ABCC9: variants seen among roughly 807,000 people sequenced by gnomAD.
The protein encoded by ABCC9 is ATP-binding cassette sub-family C member 9.
ABCC9 carries 95 observed loss-of-function variants against 188.3 expected under a neutral mutation model. The observed-to-expected ratio is 0.50, with a 90% CI of 0.43 to 0.60. The LOEUF (loss-of-function observed/expected upper bound fraction) is 0.60, where lower values mean the gene tolerates loss of function less well. ABCC9 is among the 20% of genes least tolerant of loss of function. The pLI is 0.00. For synonymous variants in ABCC9, 659 were observed against 652.7 expected (o/e 1.01, Z -0.15); for missense variants, 1,102 against 1,876.3 (o/e 0.59, Z 7.62).
At chr12:21,924,328 A>C (rs886165376) in intron 5 of ABCC9, 1 of 152,356 alleles carries the variant, frequency 6.6e-6, no homozygotes, top group African/African-American at 2.4e-5. Flanking sequence ...TAGAAGGATG[A>C]AAAGATGTAG....
At position 21,907,998 on chromosome 12, in the gene ABCC9, A is replaced by G. The variant is rs1042998093; in HGVS notation, c.1455+79T>C. 23 of 1,399,200 alleles carry G rather than the reference A, an allele frequency of 1.6e-5. No individual in the cohort carries two copies. In the African/African-American group the frequency reaches 3.3e-4, roughly 20 times the overall value. The allele number at this position is 1,399,200 out of a possible 1,614,324, so 86.7% of individuals were successfully genotyped here. ...TTGTTTCCAAATTATCTTTAGTGGTATGTATTAATTTCCTATATTATAAAA... is the reference window on the plus strand; with the variant it reads ...TTGTTTCCAAATTATCTTTAGTGGTGTGTATTAATTTCCTATATTATAAAA... On this transcript the variant is annotated intron_variant, in intron 11 of 39. Transcript: ENST00000261200.
At chr12:21,819,987 T>A (rs1188572140) in intron 31 of ABCC9, among the ~76,000 whole-genome samples, 1 of 152,184 alleles carries the variant, frequency 6.6e-6, no homozygotes, top group Non-Finnish European at 1.5e-5. Context: ...ATTAACTACA[T>A]GGATGCAGAG....
intron 14 of ABCC9, among the ~76,000 whole-genome samples, chr12:21,889,882 C>T (rs1268175015): frequency 6.6e-6 from 1 of 152,114 alleles, no homozygotes; most frequent in Non-Finnish European, 1.5e-5. Flanking sequence ...CCTCTTACTT[C>T]CCTTCCCCTC....
intron 4 of ABCC9, among the ~76,000 whole-genome samples, chr12:21,926,575 A>G (rs1949054462): frequency 6.6e-6 from 1 of 152,244 alleles, no homozygotes; most frequent in Admixed American, 6.5e-5. Flanking sequence ...AAAATCTAGT[A>G]TATTGAGGAT....
intron 29 of ABCC9, among the ~76,000 whole-genome samples, chr12:21,840,611 T>C (rs536326585): frequency 6.6e-6 from 1 of 152,282 alleles, no homozygotes; most frequent in East Asian, 1.9e-4. Context: ...AAGGACAGAT[T>C]TGGAAACCAT....
At chr12:21,927,280 A>T (rs1194613387) in intron 4 of ABCC9, among the ~76,000 whole-genome samples, 1 of 152,228 alleles carries the variant, frequency 6.6e-6, no homozygotes, top group East Asian at 1.9e-4. Context: ...ACACTTGAAT[A>T]GGTAAGCGGT....
At chr12:21,877,175 C>T (rs1946400719) in intron 16 of ABCC9, among the ~76,000 whole-genome samples, 1 of 152,078 alleles carries the variant, frequency 6.6e-6, no homozygotes, top group Non-Finnish European at 1.5e-5. Context: ...AGCTTGCAAT[C>T]AGTTGAGTAA....
chr12:21,852,642 A>G, intron 22 of ABCC9, 137 bp from the exon 23 acceptor site: 2 of 1,036,676 alleles, frequency 1.9e-6, no homozygotes, highest in Non-Finnish European at 2.8e-6. Flanking sequence ...AAGGATAAAG[A>G]AAAACTACCT....
At chr12:21,840,670 A>T (rs2137357680) in intron 29 of ABCC9, among the ~76,000 whole-genome samples, 1 of 152,338 alleles carries the variant, frequency 6.6e-6, no homozygotes, top group Admixed American at 6.5e-5. Flanking sequence ...CAGCAAGTAG[A>T]CCAGCAATAG....
At chr12:21,835,565 A>T (rs1441050975) in intron 30 of ABCC9, among the ~76,000 whole-genome samples, 6 of 152,208 alleles carry the variant, frequency 3.9e-5, no homozygotes, top group Non-Finnish European at 5.9e-5. Flanking sequence ...CAAGTCATAT[A>T]ACCTATCTTC....
At chr12:21,940,864 GA>G (rs1172985068) in intron 1 of ABCC9, 39 bp from the exon 2 acceptor site, 11 of 152,128 alleles carry the variant, frequency 7.2e-5, no homozygotes, top group African/African-American at 2.4e-4. Flanking sequence ...TAAGCAGATA[GA>G]AAACTACTTC....
At chr12:21,856,356 A>AAT (rs1214732400) in intron 22 of ABCC9, among the ~76,000 whole-genome samples, 2 of 152,080 alleles carry the variant, frequency 1.3e-5, no homozygotes, top group African/African-American at 2.4e-5. Context: ...TATTTATTCT[A>AAT]ATATATATAT....
At chr12:21,932,681 A>C (rs1949336358) in intron 4 of ABCC9, among the ~76,000 whole-genome samples, 2 of 152,132 alleles carry the variant, frequency 1.3e-5, no homozygotes, top group Non-Finnish European at 2.9e-5. Context: ...TATAAACCAC[A>C]ATGAAATACC....
Position 21,861,223 on chromosome 12 carries a change from TCCC to T in ABCC9, c.2340-171_2340-169del, listed in dbSNP as rs1234690988. On this transcript the variant is annotated intron_variant, in intron 20 of 39. Coordinates refer to ENST00000261200, the MANE Select transcript of ABCC9 (RefSeq NM_020297.4). ...GATACAAAGATACATAAGTACTACT[TCCC>T]CCCCCTTTTTTTTTTTTTTTTGAAG... 1.2e-3 allele frequency among the ~76,000 whole-genome samples: 131 copies of T among 109,392 alleles called. 9 individuals are homozygous for T. Among genetic ancestry groups the T allele is most frequent in the African/African-American group, 1.9e-3 (49 of 26,282 alleles). The allele number at this position is 109,392 out of a possible 152,430, so 71.8% of individuals were successfully genotyped here. A position where few individuals can be genotyped will look rare whatever the true frequency, so the allele number is the denominator to read the frequency against.
intron 10 of ABCC9, among the ~76,000 whole-genome samples, chr12:21,908,840 A>G (rs1948175669): frequency 6.6e-6 from 1 of 151,964 alleles, no homozygotes. Flanking sequence ...AACCAAGGGC[A>G]AAACCATTCA....
chr12:21,864,549 T>C, intron 18 of ABCC9, 72 bp from the exon 19 acceptor site: 1 of 1,056,234 alleles, frequency 9.5e-7, no homozygotes, highest in Non-Finnish European at 1.5e-6. Context: ...ACACGTCAGG[T>C]AAGAGATACA....
At chr12:21,836,329 A>C (rs887130971) in intron 30 of ABCC9, among the ~76,000 whole-genome samples, 14 of 152,178 alleles carry the variant, frequency 9.2e-5, no homozygotes, top group Non-Finnish European at 1.6e-4. Flanking sequence ...CCCTTTGTGC[A>C]CTGGCCTCTA....
chr12:21,850,196 A>G (rs1383667651), intron 24 of ABCC9, among the ~76,000 whole-genome samples: 2 of 151,404 alleles, frequency 1.3e-5, no homozygotes, highest in East Asian at 3.9e-4. Flanking sequence ...GTGACAACAA[A>G]AATGTCTCCA....
chr12:21,883,341 T>C (rs1161026136), intron 15 of ABCC9, among the ~76,000 whole-genome samples: 1 of 152,162 alleles, frequency 6.6e-6, no homozygotes, highest in Non-Finnish European at 1.5e-5. Context: ...CCCGTGTTGT[T>C]CTCGTGATAG....
Sources: allele counts gnomAD v4.1 joint callset (sites outside exome capture counted in the v4.1 genomes callset), GRCh38; gene constraint gnomAD v4.1.1; transcripts MANE v1.5; gene names NCBI Gene and HGNC (gene_info 2026-07-23, HGNC 2026-07-21).